The following NCOR1 variants were observed in gnomAD, a reference collection of about 807,000 sequenced individuals.
The protein encoded by NCOR1 is protein phosphatase 1, regulatory subunit 109.
NCOR1 carries 63 observed loss-of-function variants against 288.1 expected under a neutral mutation model. That is an observed-to-expected ratio of 0.22 (90% CI 0.18 to 0.27). The LOEUF is 0.27. Among genes scored for constraint, NCOR1 ranks in the 10% least tolerant of loss-of-function variants. The probability of loss-of-function intolerance (pLI) is 1.00; values close to 1 mark genes in which losing one functional copy is unlikely to be tolerated. For synonymous variants in NCOR1, 1,007 were observed against 1,065.9 expected (o/e 0.94, Z 1.08); for missense variants, 2,397 against 3,019.2 (o/e 0.79, Z 4.83).
intron 1 of NCOR1, among the ~76,000 whole-genome samples, chr17:16,200,190 A>G (rs1226413331): frequency 6.6e-6 from 1 of 152,038 alleles, no homozygotes; most frequent in Admixed American, 6.6e-5. Flanking sequence ...GCTATCTTGG[A>G]AAAAAAGCTA....
rs969341863 is a variant in NCOR1, at chr17:16,170,424, T to C, written c.435+1379A>G. Among the ~76,000 whole-genome samples, 21 of 152,320 alleles carry C rather than the reference T, an allele frequency of 1.4e-4. No individual in the cohort carries two copies. The South Asian group carries it at 3.1e-3, about 23-fold the overall frequency. On this transcript the variant is annotated intron_variant, in intron 4 of 45. Transcript: ENST00000268712. Reference sequence around the variant, plus strand: ...GTTGGTAAAAAGGTTAACACTTTACTGTTAAGAGTTTTTAAAATTAATTTA... The same window carrying C: ...GTTGGTAAAAAGGTTAACACTTTACCGTTAAGAGTTTTTAAAATTAATTTA...
intron 18 of NCOR1, among the ~76,000 whole-genome samples, chr17:16,109,653 C>T (rs950138615): frequency 6.6e-6 from 1 of 152,182 alleles, no homozygotes; most frequent in Non-Finnish European, 1.5e-5. Flanking sequence ...CAAGAAACTT[C>T]CTTCACTAGC....
At chr17:16,095,586 G>A (rs2066384293) in intron 21 of NCOR1, among the ~76,000 whole-genome samples, 2 of 88,202 alleles carry the variant, frequency 2.3e-5, no homozygotes, top group African/African-American at 8.2e-5. Context: ...AGGAGGTGAG[G>A]GTCGCCTCTG....
At chr17:16,104,277 A>G (rs1188926578) in intron 19 of NCOR1, among the ~76,000 whole-genome samples, 8 of 151,716 alleles carry the variant, frequency 5.3e-5, no homozygotes, top group African/African-American at 1.5e-4. Flanking sequence ...ACCGTCTGGG[A>G]AAAAAAAATA....
At chr17:16,044,093 C>T (rs1038836631) in intron 42 of NCOR1, among the ~76,000 whole-genome samples, 8 of 141,896 alleles carry the variant, frequency 5.6e-5, no homozygotes, top group East Asian at 4.2e-4. Flanking sequence ...CACTTGAACC[C>T]GGGAGGCGGA....
intron 7 of NCOR1, among the ~76,000 whole-genome samples, chr17:16,152,313 C>T (rs2079002225): frequency 6.6e-6 from 1 of 152,072 alleles, no homozygotes; most frequent in South Asian, 2.1e-4. Context: ...CATGCCCCAC[C>T]CCCTGACAGG....
rs867153268 is a variant in NCOR1 at position 16,070,371 on chromosome 17, T to G, written c.4307A>C (p.Glu1436Ala). The G allele has an allele frequency of 1.9e-6, 3 of 1,614,014 alleles. No individual in the cohort carries two copies. The highest frequency in any genetic ancestry group is 2.5e-6 in the Non-Finnish European group (3 of 1,180,028). ...CACGGTCTCGCCTGCTTTCACATCC[T>G]CATATTTTCCCCGTTCTACCACTTT... ...NIKVVERGKYEDVKAGETVRS... is the reference protein window; with the variant it reads ...NIKVVERGKYADVKAGETVRS... Residue 1436 changes from glutamate (E) to alanine (A), a missense_variant, in exon 31 of 46, where the codon GAG becomes GCG. This residue lies in a region of NCOR1 where 1,872 missense variants were observed against 2,187.8 expected (regional missense o/e 0.86). Transcript: ENST00000268712.
chr17:16,127,502 T>C (rs887180910), intron 14 of NCOR1, among the ~76,000 whole-genome samples: 2 of 147,586 alleles, frequency 1.4e-5, no homozygotes, highest in African/African-American at 5.0e-5. Context: ...TGTGCATGTA[T>C]ATACATATGT....
Position 16,091,849 on chromosome 17 carries a change from C to T in NCOR1, c.3016+14G>A. On this transcript the variant is annotated intron_variant, in intron 22 of 45. Transcript: ENST00000268712. ...TTCATAAAAGTTCTCTTGGTGATAG[C>T]TCTATCTACCTACCTTCCCACTCTC... 6.2e-7 allele frequency: 1 copy of T among 1,613,830 alleles called. No individual in the cohort carries two copies. The highest frequency in any genetic ancestry group is 1.1e-5 in the South Asian group (1 of 91,046).
chr17:16,171,842 C>A lies in NCOR1; in HGVS notation c.396G>T (p.Pro132=). ...CAGAAGCCCTCAGCCCTTCTGGCAG[C>A]GGGTGCACTAAAGGCAAAACCGCAG... The part of the protein sequence containing the change: ...VSAAVLPLVH[P]LPEGLRASAD... The change falls in exon 4 of 46, where the codon CCG becomes CCT. Residue 132 remains proline, a synonymous_variant. Coordinates refer to ENST00000268712, the MANE Select transcript of NCOR1 (RefSeq NM_006311.4). 1 of 1,610,178 alleles carries A rather than the reference C, an allele frequency of 6.2e-7. No individual in the cohort carries two copies. Among genetic ancestry groups the A allele is most frequent in the Non-Finnish European group, 8.5e-7 (1 of 1,178,364 alleles).
chr17:16,140,181 C>G (rs2076954299), intron 11 of NCOR1, among the ~76,000 whole-genome samples: 1 of 151,238 alleles, frequency 6.6e-6, no homozygotes. Flanking sequence ...CATGTACTTA[C>G]AGATGTTTCC....
chr17:16,189,557 G>C (rs897455062), intron 2 of NCOR1, among the ~76,000 whole-genome samples: 1 of 142,926 alleles, frequency 7.0e-6, no homozygotes, highest in Non-Finnish European at 1.5e-5. Context: ...AGAAACCACA[G>C]GAAAAAAGTT....
chr17:16,064,324 G>A, intron 34 of NCOR1, 137 bp from the exon 35 acceptor site: 1 of 1,162,600 alleles, frequency 8.6e-7, no homozygotes, highest in East Asian at 2.4e-5. Context: ...TTTTGGCTGG[G>A]TGCAGTGGCT....
chr17:16,127,228 CATGTATGCATATATGTATGTATATATGT>C (rs2074306235), intron 14 of NCOR1, among the ~76,000 whole-genome samples: 2 of 119,090 alleles, frequency 1.7e-5, no homozygotes, highest in Admixed American at 8.4e-5. Flanking sequence ...TGTATATATA[CATGTATGCATATATGTATGTATATATGT>C]GTGTGTATAT....
At chr17:16,208,206 A>ATTTTTT (rs757019446) in intron 1 of NCOR1, among the ~76,000 whole-genome samples, 931 of 65,488 alleles carry the variant, frequency 0.014, 75 homozygotes, top group African/African-American at 0.048. Context: ...ATGCCCAGCT[A>ATTTTTT]TTTTTTTTTT....
chr17:16,164,895 G>C (rs1332665780), intron 5 of NCOR1, 84 bp downstream of exon 5: 17 of 998,364 alleles, frequency 1.7e-5, no homozygotes, highest in Non-Finnish European at 1.6e-5. Flanking sequence ...TTTATGTAAA[G>C]TTTCAAAATA....
At chr17:16,196,616 G>A (rs1300143301) in intron 1 of NCOR1, among the ~76,000 whole-genome samples, 4 of 152,104 alleles carry the variant, frequency 2.6e-5, no homozygotes, top group Non-Finnish European at 4.4e-5. Flanking sequence ...ATGAGGTCAG[G>A]AGATCGAGAC....
At chr17:16,071,286 A>G in intron 30 of NCOR1, 123 bp downstream of exon 30, 1 of 1,399,308 alleles carries the variant, frequency 7.1e-7, no homozygotes, top group Non-Finnish European at 9.7e-7. Context: ...AAGGTACAGG[A>G]AACTTTCATG....
intron 1 of NCOR1, among the ~76,000 whole-genome samples, chr17:16,205,836 C>A (rs1164400595): frequency 6.7e-6 from 1 of 150,048 alleles, no homozygotes. Flanking sequence ...ACTAGGGAGG[C>A]TGAGGCAGGA....
Sources: gnomAD v4.1 joint callset for allele counts (sites outside exome capture counted in the v4.1 genomes callset) on GRCh38, gnomAD v4.1.1 for gene constraint, gnomAD v4.1.1 regional missense constraint, MANE v1.5 for transcripts, NCBI Gene and HGNC (gene_info 2026-07-23, HGNC 2026-07-21) for gene names.